The following ALK variants were observed in gnomAD, a reference collection of about 807,000 sequenced individuals.
The protein encoded by ALK is ALK receptor tyrosine kinase.
Under a neutral mutation model 163.1 loss-of-function variants are expected in ALK, and 74 were observed. The observed-to-expected ratio is 0.45, with a 90% CI of 0.38 to 0.55. ALK has a LOEUF of 0.55. ALK is among the 20% of genes least tolerant of loss of function. The pLI, the probability that ALK is intolerant of heterozygous loss-of-function variation, is 0.00. For missense variants in ALK, 2,063 were observed against 2,105.3 expected, an observed-to-expected ratio of 0.98 and a Z score of 0.39; for synonymous variants, 960 against 843.2, an observed-to-expected ratio of 1.14 and a Z score of -2.40.
At chr2:29,880,929 C>T (rs11903979) in intron 1 of ALK, among the ~76,000 whole-genome samples, 1,896 of 152,258 alleles carry the variant, frequency 0.012, 42 homozygotes, top group East Asian at 0.078. Flanking sequence ...CTCTAAATTT[C>T]CTTCCAGAGT....
intron 1 of ALK, among the ~76,000 whole-genome samples, chr2:29,851,825 C>G (rs1029693824): frequency 2.0e-5 from 3 of 152,336 alleles, no homozygotes; most frequent in Non-Finnish European, 4.4e-5. Context: ...CCTGTGGTCT[C>G]TTTTGCTGCT....
chr2:29,570,038 T>C lies in ALK; in HGVS notation c.953-37922A>G, dbSNP rs555066827. ...CCACCTGCTTAATTGGGGAGTAGCC[T>C]AACACTGTGGAAACAACTAGCAAAG... On this transcript the variant is annotated intron_variant, in intron 3 of 28. Transcript: ENST00000389048. Among the ~76,000 whole-genome samples, 6 of 152,308 alleles carry C rather than the reference T, an allele frequency of 3.9e-5. No individual in the cohort carries two copies. In the South Asian group the frequency reaches 1.0e-3, roughly 26 times the overall value.
chr2:29,919,486 G>A (rs1434050811), intron 1 of ALK, among the ~76,000 whole-genome samples: 2 of 152,136 alleles, frequency 1.3e-5, no homozygotes, highest in African/African-American at 2.4e-5. Context: ...GGCAATACCT[G>A]CCCAAGCCAA....
At position 29,246,668 on chromosome 2, in the gene ALK, C is replaced by T. The variant is rs1310734562; in HGVS notation, c.2204+4437G>A. 6.6e-6 allele frequency among the ~76,000 whole-genome samples: 1 copy of T among 152,202 alleles called. No individual in the cohort carries two copies. The highest frequency in any genetic ancestry group is 1.9e-4 in the East Asian group (1 of 5,190). ...ATGTAGTCCCAGCGTTGCACCCGAC[C>T]CCACATTCACTCAGTCCTCAACTTA... On this transcript the variant is annotated intron_variant, in intron 12 of 28. Transcript: ENST00000389048. This position sits in a 1 kb window ranked among gnomAD's most constrained non-coding sequence, Gnocchi z 4.3.
intron 4 of ALK, among the ~76,000 whole-genome samples, chr2:29,529,403 C>G (rs1673055853): frequency 6.6e-6 from 1 of 152,222 alleles, no homozygotes; most frequent in South Asian, 2.1e-4. Flanking sequence ...CACTGTGTCC[C>G]CCTCGCTGCT....
intron 4 of ALK, among the ~76,000 whole-genome samples, chr2:29,494,423 A>C (rs1671975905): frequency 6.6e-6 from 1 of 152,102 alleles, no homozygotes; most frequent in Non-Finnish European, 1.5e-5. Flanking sequence ...GAGGGTCTTT[A>C]GAAGGCCCAC....
chr2:29,703,889 A>ACATACAGTG (rs1678819682), intron 2 of ALK, among the ~76,000 whole-genome samples: 1 of 152,176 alleles, frequency 6.6e-6, no homozygotes, highest in Non-Finnish European at 1.5e-5. Context: ...TGAGTCCTTC[A>ACATACAGTG]CATACAGTGT....
rs549825750 is a variant in ALK, at chr2:29,275,142, G to A, written c.1998C>T (p.Pro666=). ...GGGTCTGTCTTGGTGAATTTTCCCC[G>A]GGTTTCAGCTCCTTGTTTGGGTTTC... The part of the protein sequence containing the change: ...FERNPNKELK[P]GENSPRQTPI... Residue 666 remains proline, a synonymous_variant, in exon 11 of 29, where the codon CCC becomes CCT. Transcript: ENST00000389048. The A allele has an allele frequency of 1.5e-5, 24 of 1,614,092 alleles. 1 individual carries two copies. Among genetic ancestry groups the A allele is most frequent in the Admixed American group, 6.7e-5 (4 of 60,024 alleles).
intron 3 of ALK, among the ~76,000 whole-genome samples, chr2:29,635,760 G>A (rs925370791): frequency 4.9e-5 from 7 of 143,912 alleles, no homozygotes; most frequent in Non-Finnish European, 9.1e-5. Context: ...GCACCACCAT[G>A]CCTGGATAAT....
In ALK at chr2:29,251,286, G is replaced by C. The variant is rs764992809; in HGVS notation, c.2042-19C>G. 9.9e-6 allele frequency: 16 copies of C among 1,610,878 alleles called. No homozygotes were observed. Among genetic ancestry groups the C allele is most frequent in the Non-Finnish European group, 1.4e-5 (16 of 1,178,858 alleles). ...CAATGAACTGTGGCACAAGAGGAGA[G>C]GCAGTCACTCATGTGGCCAGGCCCT... On this transcript the variant is annotated intron_variant, in intron 11 of 28. Coordinates refer to ENST00000389048, the MANE Select transcript of ALK (RefSeq NM_004304.5).
chr2:29,225,598 C>T (rs2148176691), intron 18 of ALK, 33 bp from the exon 19 acceptor site: 3 of 1,563,408 alleles, frequency 1.9e-6, no homozygotes, highest in Non-Finnish European at 2.6e-6. Flanking sequence ...GTATTGACAA[C>T]CACACCAGGT....
intron 3 of ALK, among the ~76,000 whole-genome samples, chr2:29,560,860 C>T (rs895165111): frequency 3.3e-5 from 5 of 151,986 alleles, no homozygotes; most frequent in African/African-American, 1.2e-4. Context: ...GCATGAGCCA[C>T]GGCACCCGGC....
chr2:29,237,890 G>C (rs1368934049), intron 13 of ALK, among the ~76,000 whole-genome samples: 1 of 152,188 alleles, frequency 6.6e-6, no homozygotes, highest in Non-Finnish European at 1.5e-5. Flanking sequence ...ACACAGGACA[G>C]ATCCCCGCCC....
At chr2:29,676,237 G>T (rs1677868558) in intron 3 of ALK, among the ~76,000 whole-genome samples, 1 of 151,972 alleles carries the variant, frequency 6.6e-6, no homozygotes, top group Admixed American at 6.6e-5. Context: ...TGCATTGATT[G>T]TGATTTTAGC....
intron 5 of ALK, among the ~76,000 whole-genome samples, chr2:29,334,788 G>T (rs1184939739): frequency 6.6e-6 from 1 of 152,198 alleles, no homozygotes; most frequent in Non-Finnish European, 1.5e-5. Context: ...CTTTGTGCTT[G>T]CAGAAGAGTC....
chr2:29,899,430 GC>G (rs1200874833), intron 1 of ALK, among the ~76,000 whole-genome samples: 4 of 152,290 alleles, frequency 2.6e-5, no homozygotes, highest in Admixed American at 6.5e-5. Flanking sequence ...CCTGAGGAAG[GC>G]AGAGTAGAAA....
intron 3 of ALK, among the ~76,000 whole-genome samples, chr2:29,596,694 G>A (rs1675224752): frequency 6.6e-6 from 1 of 152,158 alleles, no homozygotes; most frequent in Non-Finnish European, 1.5e-5. Flanking sequence ...GAAAGGGACT[G>A]GAAGCAAAAT....
intron 4 of ALK, among the ~76,000 whole-genome samples, chr2:29,443,800 G>A (rs533177802): frequency 6.6e-6 from 1 of 152,298 alleles, no homozygotes; most frequent in South Asian, 2.1e-4. Flanking sequence ...GGAAGAGGAG[G>A]CTGACGTGTA....
intron 3 of ALK, among the ~76,000 whole-genome samples, chr2:29,602,114 T>C (rs1675395071): frequency 6.6e-6 from 1 of 152,226 alleles, no homozygotes; most frequent in Non-Finnish European, 1.5e-5. Context: ...GCAAACTCGA[T>C]ATGAATCATA....
Sources: allele counts gnomAD v4.1 joint callset (sites outside exome capture counted in the v4.1 genomes callset), GRCh38; gene constraint gnomAD v4.1.1; non-coding constraint Gnocchi (gnomAD v3.1); transcripts MANE v1.5; gene names NCBI Gene and HGNC (gene_info 2026-07-23, HGNC 2026-07-21).